Variants in CSNK1G3 observed in about 807,000 individuals in gnomAD.
CSNK1G3 encodes the protein casein kinase I isoform gamma-3.
CSNK1G3 carries 23 observed loss-of-function variants against 64.3 expected under a neutral mutation model. That is an observed-to-expected ratio of 0.36 (90% CI 0.26 to 0.51). The LOEUF (loss-of-function observed/expected upper bound fraction) is 0.51. Among genes scored for constraint, CSNK1G3 ranks in the 20% least tolerant of loss-of-function variants. CSNK1G3 has a pLI of 0.96. For synonymous variants in CSNK1G3, 158 were observed against 162.2 expected (o/e 0.97, Z 0.20); for missense variants, 357 against 510.5 (o/e 0.70, Z 2.90).
chr5:123,601,994 A>G (rs1207826518), intron 10 of CSNK1G3, among the ~76,000 whole-genome samples: 1 of 152,188 alleles, frequency 6.6e-6, no homozygotes, highest in Non-Finnish European at 1.5e-5. Context: ...ATAAAGAACA[A>G]AATTATGTTC....
chr5:123,540,715 C>A (rs574636203), intron 1 of CSNK1G3, among the ~76,000 whole-genome samples: 1 of 152,136 alleles, frequency 6.6e-6, no homozygotes, highest in Non-Finnish European at 1.5e-5. Context: ...TCATTGCAAC[C>A]TCCGCCTCCC....
intron 10 of CSNK1G3, among the ~76,000 whole-genome samples, chr5:123,593,601 AGCATCATTTTT>A (rs1792853195): frequency 6.6e-6 from 1 of 152,040 alleles, no homozygotes; most frequent in South Asian, 2.1e-4. Context: ...TCTCAATTTT[AGCATCATTTTT>A]ATTCTTTGAT....
At chr5:123,602,261 A>G (rs1794629689) in intron 10 of CSNK1G3, among the ~76,000 whole-genome samples, 1 of 152,184 alleles carries the variant, frequency 6.6e-6, no homozygotes, top group Non-Finnish European at 1.5e-5. Flanking sequence ...AGGATATAGG[A>G]AACTGAATTT....
intron 6 of CSNK1G3, among the ~76,000 whole-genome samples, chr5:123,587,776 A>C (rs1334914209): frequency 6.6e-6 from 1 of 152,106 alleles, no homozygotes; most frequent in Middle Eastern, 3.2e-3. Flanking sequence ...TGACCATGGA[A>C]CTCTTTTCCC....
chr5:123,595,097 C>T, intron 10 of CSNK1G3: 1 of 1,613,634 alleles, frequency 6.2e-7, no homozygotes, highest in Non-Finnish European at 8.5e-7. Context: ...CATTTGAGAG[C>T]TCACCTTGCA....
intron 6 of CSNK1G3, among the ~76,000 whole-genome samples, chr5:123,585,010 T>G (rs1378794836): frequency 1.3e-5 from 2 of 152,190 alleles, no homozygotes; most frequent in East Asian, 1.9e-4. Context: ...CAATCCAGCT[T>G]TTGTTTTCAT....
chr5:123,569,553 A>G (rs937454390), intron 4 of CSNK1G3, among the ~76,000 whole-genome samples: 4 of 152,226 alleles, frequency 2.6e-5, no homozygotes, highest in African/African-American at 9.6e-5. Flanking sequence ...ACTACCCAAC[A>G]TTAAATCATA....
chr5:123,517,736 T>C (rs981496899), intron 1 of CSNK1G3, among the ~76,000 whole-genome samples: 1 of 152,196 alleles, frequency 6.6e-6, no homozygotes, highest in African/African-American at 2.4e-5. Context: ...TATAAGATTG[T>C]CTTGTGAATG....
intron 12 of CSNK1G3, among the ~76,000 whole-genome samples, chr5:123,612,274 C>G (rs1796466080): frequency 6.6e-6 from 1 of 152,018 alleles, no homozygotes; most frequent in African/African-American, 2.4e-5. Context: ...TTGCAGTACC[C>G]TCATAGTAGT....
intron 2 of CSNK1G3, among the ~76,000 whole-genome samples, chr5:123,551,565 A>C (rs1310840834): frequency 1.3e-5 from 2 of 152,286 alleles, no homozygotes; most frequent in East Asian, 1.9e-4. Flanking sequence ...AATAAGGACA[A>C]AATTCAGAAA....
intron 6 of CSNK1G3, among the ~76,000 whole-genome samples, chr5:123,584,101 C>G (rs1222133386): frequency 1.3e-5 from 2 of 152,252 alleles, no homozygotes; most frequent in East Asian, 3.9e-4. Flanking sequence ...CATATACAAT[C>G]CTGTTGTCTG....
chr5:123,524,055 C>A (rs910614631), intron 1 of CSNK1G3, among the ~76,000 whole-genome samples: 1 of 152,166 alleles, frequency 6.6e-6, no homozygotes, highest in Non-Finnish European at 1.5e-5. Flanking sequence ...CTGCAGCAAC[C>A]CCTTAATAGA....
intron 12 of CSNK1G3, among the ~76,000 whole-genome samples, chr5:123,606,869 C>G (rs1008955692): frequency 3.3e-5 from 5 of 152,110 alleles, no homozygotes; most frequent in African/African-American, 1.2e-4. Flanking sequence ...AAGTAGATTA[C>G]AAGCCAGCAG....
intron 10 of CSNK1G3, among the ~76,000 whole-genome samples, chr5:123,594,055 A>G (rs541309235): frequency 3.3e-5 from 5 of 152,274 alleles, no homozygotes; most frequent in Non-Finnish European, 4.4e-5. Context: ...ACTCCTTGGT[A>G]GGTCTGTAAC....
intron 1 of CSNK1G3, among the ~76,000 whole-genome samples, chr5:123,542,814 T>C (rs893776907): frequency 6.6e-6 from 1 of 151,604 alleles, no homozygotes; most frequent in Non-Finnish European, 1.5e-5. Flanking sequence ...TTTTCAAATT[T>C]TTGGATTTTA....
intron 1 of CSNK1G3, among the ~76,000 whole-genome samples, chr5:123,539,797 C>G (rs1047004673): frequency 4.6e-5 from 7 of 151,792 alleles, no homozygotes; most frequent in African/African-American, 1.5e-4. Context: ...TATGGGAATA[C>G]TTTTTTTTAA....
chr5:123,583,931 A>T (rs1039815950), intron 6 of CSNK1G3, among the ~76,000 whole-genome samples: 2 of 151,934 alleles, frequency 1.3e-5, no homozygotes, highest in Non-Finnish European at 2.9e-5. Context: ...GTCTCAGGCT[A>T]TCCACCTGGC....
intron 1 of CSNK1G3, among the ~76,000 whole-genome samples, chr5:123,526,018 A>T (rs904192836): frequency 3.3e-5 from 5 of 150,776 alleles, no homozygotes; most frequent in African/African-American, 1.2e-4. Flanking sequence ...AAAAAAAAGT[A>T]GAAATACTTT....
chr5:123,586,152 A>G (rs1791285983), intron 6 of CSNK1G3, among the ~76,000 whole-genome samples: 1 of 152,234 alleles, frequency 6.6e-6, no homozygotes, highest in African/African-American at 2.4e-5. Flanking sequence ...AAACATAGTA[A>G]GTGAAAGAAT....
Sources: allele counts gnomAD v4.1 joint callset (sites outside exome capture counted in the v4.1 genomes callset), GRCh38; gene constraint gnomAD v4.1.1; transcripts MANE v1.5; gene names NCBI Gene and HGNC (gene_info 2026-07-23, HGNC 2026-07-21).